SCAF11: variants seen among roughly 807,000 people sequenced by gnomAD.
The protein encoded by SCAF11 is SR-related CTD associated factor 11.
In SCAF11, 47 loss-of-function variants were observed where a neutral mutation model predicts 140.5. The ratio of observed to expected loss-of-function variants is 0.33; its 90% CI spans 0.26 to 0.43. SCAF11 has a LOEUF of 0.43. Among genes scored for constraint, SCAF11 ranks in the 20% least tolerant of loss-of-function variants. SCAF11 has a pLI of 1.00. For missense variants in SCAF11, 1,645 were observed against 1,705.1 expected (o/e 0.96, Z 0.62); for synonymous variants, 557 against 579.4 (o/e 0.96, Z 0.55).
intron 6 of SCAF11, among the ~76,000 whole-genome samples, chr12:45,941,628 C>T (rs1945303535): frequency 6.6e-6 from 1 of 152,172 alleles, no homozygotes; most frequent in South Asian, 2.1e-4. Flanking sequence ...TATACCCTCC[C>T]AAACGTTCTC....
At chr12:45,976,710 G>A (rs1039175996) in intron 1 of SCAF11, among the ~76,000 whole-genome samples, 4 of 152,078 alleles carry the variant, frequency 2.6e-5, no homozygotes, top group African/African-American at 9.7e-5. Flanking sequence ...AAATATGTGA[G>A]ATGTAGCAAA....
intron 3 of SCAF11, among the ~76,000 whole-genome samples, chr12:45,959,387 C>T (rs1945772492): frequency 6.6e-6 from 1 of 152,076 alleles, no homozygotes; most frequent in Non-Finnish European, 1.5e-5. Flanking sequence ...GTTTAGAATC[C>T]TTGTCTTGTA....
rs1431447284 is a variant in SCAF11, at chr12:45,927,190, A to G, written c.2511T>C (p.Asn837=). 1.2e-6 allele frequency: 2 copies of G among 1,613,930 alleles called. No homozygotes were observed. The highest frequency in any genetic ancestry group is 1.1e-5 in the South Asian group (1 of 91,062). ...SRKSQSPSPK[N]ESARGRKKSR... ...ATTTTTTCCGGCCTCTGGCTGACTC[A>G]TTCTTAGGAGATGGTGATTGAGACT... The change falls in exon 11 of 15, where the codon AAT becomes AAC. Residue 837 remains asparagine, a synonymous_variant. Coordinates refer to ENST00000369367, the MANE Select transcript of SCAF11 (RefSeq NM_004719.3).
intron 6 of SCAF11, among the ~76,000 whole-genome samples, chr12:45,940,914 C>T (rs1011013071): frequency 3.9e-5 from 6 of 152,156 alleles, no homozygotes; most frequent in South Asian, 4.1e-4. Context: ...AGGTGATCCT[C>T]CCACCTCAGC....
At chr12:45,983,563 T>G (rs1335144010) in intron 1 of SCAF11, among the ~76,000 whole-genome samples, 1 of 152,094 alleles carries the variant, frequency 6.6e-6, no homozygotes, top group African/African-American at 2.4e-5. Context: ...TAAACAAAGC[T>G]AACTTAAGAG....
Position 45,931,541 on chromosome 12 carries a change from A to G in SCAF11, c.806T>C (p.Ile269Thr), listed in dbSNP as rs1425478234. ...PLISSVLPRT[I>T]FPTSTISFEH... ...GAAAGATATGGTACTTGTTGGAAAA[A>G]TAGTTCTTGGCAACACAGAAGAAAT... Residue 269 changes from isoleucine (I) to threonine (T), a missense_variant, in exon 10 of 15, where the codon ATT (isoleucine) becomes ACT (threonine). Around this residue, in one of 2 missense-constraint regions of SCAF11, gnomAD observed 1,582 missense variants for 1,609.2 expected, o/e 0.98. Coordinates refer to ENST00000369367, the MANE Select transcript of SCAF11 (RefSeq NM_004719.3). The G allele has an allele frequency of 6.6e-7, 1 of 1,506,078 alleles. No homozygotes were observed. The highest frequency in any genetic ancestry group is 1.5e-5 in the South Asian group (1 of 68,454). The allele number at this position is 1,506,078 out of a possible 1,614,324, so 93.3% of individuals were successfully genotyped here.
chr12:45,972,864 CG>C lies in SCAF11; in HGVS notation c.-21-8677del, dbSNP rs1946110818. Reference sequence around the variant, plus strand: ...TTAAAGCCAGTATATATATATATATCGATATATATATATATAGATATATATA... The same window carrying C: ...TTAAAGCCAGTATATATATATATATCATATATATATATATAGATATATATA... On this transcript the variant is annotated intron_variant, in intron 1 of 14. Coordinates refer to ENST00000369367, the MANE Select transcript of SCAF11 (RefSeq NM_004719.3). Among the ~76,000 whole-genome samples, 4 of 66,312 alleles carry C rather than the reference CG, an allele frequency of 6.0e-5. No homozygotes were observed. The South Asian group carries it at 1.7e-3, about 28-fold the overall frequency. 43.5% of individuals were successfully genotyped at this position (66,312 alleles called of 152,430 possible). A position where few individuals can be genotyped will look rare whatever the true frequency, so the allele number is the denominator to read the frequency against.
chr12:45,957,848 A>G (rs756379531), intron 3 of SCAF11, among the ~76,000 whole-genome samples: 2 of 152,162 alleles, frequency 1.3e-5, no homozygotes, highest in Non-Finnish European at 2.9e-5. Flanking sequence ...TTTAAGGGCC[A>G]AATTTTTAAT....
At chr12:45,934,766 T>G (rs746610729) in intron 6 of SCAF11, among the ~76,000 whole-genome samples, 6 of 152,222 alleles carry the variant, frequency 3.9e-5, no homozygotes, top group African/African-American at 1.4e-4. Flanking sequence ...TTACAACATA[T>G]GAGTTAAAAT....
intron 1 of SCAF11, among the ~76,000 whole-genome samples, chr12:45,977,249 T>C (rs536246179): frequency 6.6e-6 from 1 of 152,230 alleles, no homozygotes; most frequent in Admixed American, 6.5e-5. Flanking sequence ...AATCATATAA[T>C]GAAATACTGC....
At chr12:45,942,251 A>G (rs940140629) in intron 6 of SCAF11, among the ~76,000 whole-genome samples, 7 of 152,248 alleles carry the variant, frequency 4.6e-5, no homozygotes, top group African/African-American at 1.7e-4. Flanking sequence ...TGTGTTTTCA[A>G]GGATCAATGG....
chr12:45,945,188 A>G lies in SCAF11; in HGVS notation c.463+61T>C, dbSNP rs1945391723. 3 of 961,180 alleles carry G rather than the reference A, an allele frequency of 3.1e-6. No individual in the cohort carries two copies. The South Asian group carries it at 4.2e-5, about 13-fold the overall frequency. The allele number at this position is 961,180 out of a possible 1,614,324, so 59.5% of individuals were successfully genotyped here. ...GTGTTACTGATGAGAACTCTGACAC[A>G]ACCATTAAATTAAAAAACAACAAAA... On this transcript the variant is annotated intron_variant, in intron 6 of 14. Coordinates refer to ENST00000369367, the MANE Select transcript of SCAF11 (RefSeq NM_004719.3).
In SCAF11 at chr12:45,926,480, C is replaced by A. The variant is rs1445757238; in HGVS notation, c.3221G>T (p.Gly1074Val). 6.2e-7 allele frequency: 1 copy of A among 1,614,050 alleles called. No individual in the cohort carries two copies. Among genetic ancestry groups the A allele is most frequent in the Non-Finnish European group, 8.5e-7 (1 of 1,180,018 alleles). Residue 1074 changes from glycine to valine, a missense_variant, in exon 11 of 15, where the codon GGC becomes GTC. Coordinates refer to ENST00000369367, the MANE Select transcript of SCAF11 (RefSeq NM_004719.3). ...GSGWVSNRGR[G>V]RGNRGRGTYR... ...AGTGCCTCTGCCACGGTTGCCTCTG[C>A]CTCTACCACGGTTAGATACCCAACC... is the stretch of plus-strand genomic sequence containing the variant.
chr12:45,959,373 G>GT (rs1342303568), intron 3 of SCAF11, among the ~76,000 whole-genome samples: 35 of 152,072 alleles, frequency 2.3e-4, no homozygotes, highest in Non-Finnish European at 7.4e-5. Context: ...CTTAAAAATC[G>GT]TAAGTTTAGA....
At chr12:45,986,294 T>G (rs1422008160) in intron 1 of SCAF11, among the ~76,000 whole-genome samples, 8 of 152,210 alleles carry the variant, frequency 5.3e-5, no homozygotes, top group Admixed American at 5.2e-4. Flanking sequence ...AAAAGAGCTC[T>G]GGTCCTTATC....
At chr12:45,951,873 T>C (rs1000225918) in intron 3 of SCAF11, 146 bp from the exon 4 acceptor site, 1 of 539,760 alleles carries the variant, frequency 1.9e-6, no homozygotes, top group Non-Finnish European at 3.3e-6. Context: ...GTTTCATTCA[T>C]TCAAACATTT....
At chr12:45,959,359 C>T (rs534812363) in intron 3 of SCAF11, among the ~76,000 whole-genome samples, 1 of 152,120 alleles carries the variant, frequency 6.6e-6, no homozygotes, top group South Asian at 2.1e-4. Flanking sequence ...TATCCCTTGA[C>T]GTACTTAAAA....
intron 1 of SCAF11, among the ~76,000 whole-genome samples, chr12:45,976,058 C>G (rs1946225350): frequency 6.6e-6 from 1 of 152,084 alleles, no homozygotes; most frequent in Non-Finnish European, 1.5e-5. Flanking sequence ...TATGCAGTAT[C>G]TACAAAACAC....
chr12:45,992,000 C>G (rs745870259), upstream of SCAF11: 84 of 1,288,930 alleles, frequency 6.5e-5, no homozygotes, highest in Non-Finnish European at 8.1e-5. Context: ...GATGAGTTTC[C>G]TCCCCACTTT....
Sources: gnomAD v4.1 joint callset for allele counts (sites outside exome capture counted in the v4.1 genomes callset) on GRCh38, gnomAD v4.1.1 for gene constraint, gnomAD v4.1.1 regional missense constraint, MANE v1.5 for transcripts, NCBI Gene and HGNC (gene_info 2026-07-23, HGNC 2026-07-21) for gene names.